ARHGAP15: variants seen among roughly 807,000 people sequenced by gnomAD.
ARHGAP15 encodes rho GTPase-activating protein 15.
A neutral mutation model predicts 63.7 loss-of-function variants in ARHGAP15; 51 were observed. The observed-to-expected ratio is 0.80, with a 90% confidence interval of 0.64 to 1.01. The LOEUF (loss-of-function observed/expected upper bound fraction) is 1.01. Ranked by LOEUF, ARHGAP15 falls within the 50% of genes least tolerant of loss-of-function variation. ARHGAP15 has a pLI of 0.00. For synonymous variants in ARHGAP15, 191 were observed against 193.8 expected (o/e 0.99, Z 0.12); for missense variants, 560 against 564.6 (o/e 0.99, Z 0.08).
At chr2:143,581,076 C>T (rs1186595693) in intron 11 of ARHGAP15, among the ~76,000 whole-genome samples, 1 of 152,048 alleles carries the variant, frequency 6.6e-6, no homozygotes, top group African/African-American at 2.4e-5. Context: ...AGAATGTGAT[C>T]AGTAACTTGA....
At chr2:143,667,470 A>T (rs1218742007) in intron 12 of ARHGAP15, among the ~76,000 whole-genome samples, 1 of 148,792 alleles carries the variant, frequency 6.7e-6, no homozygotes, top group Non-Finnish European at 1.5e-5. Flanking sequence ...ACCTAATGCT[A>T]GATGACGAGT....
At chr2:143,635,090 GTTTCACT>G (rs1462013397) in intron 12 of ARHGAP15, among the ~76,000 whole-genome samples, 1 of 139,864 alleles carries the variant, frequency 7.1e-6, no homozygotes, top group East Asian at 2.3e-4. Context: ...AACTGGAAAT[GTTTCACT>G]TTTTCTTTCA....
At chr2:143,504,952 C>T (rs1287963780) in intron 9 of ARHGAP15, among the ~76,000 whole-genome samples, 3 of 152,154 alleles carry the variant, frequency 2.0e-5, no homozygotes, top group Non-Finnish European at 4.4e-5. Flanking sequence ...TGTTCTCCTC[C>T]CCACCCTGCC....
intron 12 of ARHGAP15, among the ~76,000 whole-genome samples, chr2:143,661,530 T>C (rs1390036245): frequency 1.3e-5 from 2 of 152,102 alleles, no homozygotes; most frequent in Non-Finnish European, 2.9e-5. Flanking sequence ...GAAAATAAGA[T>C]TTTAAATGAT....
chr2:143,664,836 C>T (rs368235109), intron 12 of ARHGAP15, among the ~76,000 whole-genome samples: 14 of 152,118 alleles, frequency 9.2e-5, no homozygotes, highest in African/African-American at 1.9e-4. Flanking sequence ...ATAAATTCCT[C>T]GACACATACA....
chr2:143,739,051 C>G (rs1239152604), intron 13 of ARHGAP15, among the ~76,000 whole-genome samples: 1 of 152,018 alleles, frequency 6.6e-6, no homozygotes, highest in African/African-American at 2.4e-5. Context: ...GAGATTTTAC[C>G]TTATGGACAA....
chr2:143,456,695 A>T (rs1690671036), intron 8 of ARHGAP15, among the ~76,000 whole-genome samples: 1 of 152,060 alleles, frequency 6.6e-6, no homozygotes, highest in Non-Finnish European at 1.5e-5. Flanking sequence ...TCTAGATTAT[A>T]ACTTCAGCAG....
At chr2:143,652,171 T>G (rs1013159235) in intron 12 of ARHGAP15, among the ~76,000 whole-genome samples, 1 of 152,036 alleles carries the variant, frequency 6.6e-6, no homozygotes, top group Non-Finnish European at 1.5e-5. Context: ...TTCAAACTTG[T>G]TTTTGCTACT....
chr2:143,426,290 G>T (rs1054974852), intron 6 of ARHGAP15, among the ~76,000 whole-genome samples: 1 of 151,992 alleles, frequency 6.6e-6, no homozygotes, highest in Non-Finnish European at 1.5e-5. Context: ...GATAATAGAG[G>T]CTGTGAATCC....
intron 10 of ARHGAP15, among the ~76,000 whole-genome samples, chr2:143,522,252 T>G (rs1286949297): frequency 3.9e-5 from 6 of 152,180 alleles, no homozygotes; most frequent in Non-Finnish European, 8.8e-5. Context: ...CCAACTATTA[T>G]AACTAGATTA....
intron 12 of ARHGAP15, chr2:143,682,856 T>G (rs1026613292): frequency 7.2e-5 from 11 of 152,220 alleles, no homozygotes; most frequent in Admixed American, 7.2e-4. Flanking sequence ...TTCGCAGGAG[T>G]TCTCTGTTAT....
intron 8 of ARHGAP15, among the ~76,000 whole-genome samples, chr2:143,454,151 C>G (rs901127828): frequency 6.6e-6 from 1 of 151,940 alleles, no homozygotes; most frequent in African/African-American, 2.4e-5. Context: ...GCCCTGAGGA[C>G]TCGTATCTGT....
At chr2:143,149,374 CT>C (rs1311868055) in intron 1 of ARHGAP15, among the ~76,000 whole-genome samples, 1 of 152,008 alleles carries the variant, frequency 6.6e-6, no homozygotes, top group Non-Finnish European at 1.5e-5. Context: ...TTTCTTGCCT[CT>C]GAGATTTTAC....
intron 8 of ARHGAP15, among the ~76,000 whole-genome samples, chr2:143,461,422 G>A (rs1690936114): frequency 6.6e-6 from 1 of 151,704 alleles, no homozygotes; most frequent in Non-Finnish European, 1.5e-5. Flanking sequence ...AAGTTGTGAT[G>A]TAGAAACTCT....
chr2:143,339,894 A>AT (rs1684978862), intron 6 of ARHGAP15, among the ~76,000 whole-genome samples: 1 of 152,172 alleles, frequency 6.6e-6, no homozygotes. Flanking sequence ...TCTGAAGAAT[A>AT]TTTTGGGTGT....
At chr2:143,280,752 G>T (rs934251441) in intron 6 of ARHGAP15, among the ~76,000 whole-genome samples, 1 of 152,118 alleles carries the variant, frequency 6.6e-6, no homozygotes, top group Non-Finnish European at 1.5e-5. Context: ...TTTGATGAAG[G>T]ATTCACTGAG....
chr2:143,621,927 T>C (rs1365187451), intron 11 of ARHGAP15, among the ~76,000 whole-genome samples: 1 of 152,166 alleles, frequency 6.6e-6, no homozygotes, highest in Non-Finnish European at 1.5e-5. Context: ...CACTTTCCTT[T>C]AGCAATTTCA....
At chr2:143,564,894 C>T (rs937341715) in intron 11 of ARHGAP15, among the ~76,000 whole-genome samples, 8 of 151,974 alleles carry the variant, frequency 5.3e-5, no homozygotes, top group Non-Finnish European at 1.2e-4. Flanking sequence ...CATTTGCTAA[C>T]GAAACTAAGG....
intron 6 of ARHGAP15, among the ~76,000 whole-genome samples, chr2:143,355,803 C>T (rs1054919345): frequency 6.6e-6 from 1 of 152,014 alleles, no homozygotes; most frequent in Non-Finnish European, 1.5e-5. Flanking sequence ...TATATCTGCA[C>T]CTGATGTTGC....
Sources: gnomAD v4.1 joint callset for allele counts (sites outside exome capture counted in the v4.1 genomes callset) on GRCh38, gnomAD v4.1.1 for gene constraint, MANE v1.5 for transcripts, NCBI Gene and HGNC (gene_info 2026-07-23, HGNC 2026-07-21) for gene names.